GRM8: variants seen among roughly 807,000 people sequenced by gnomAD.
The protein encoded by GRM8 is metabotropic glutamate receptor 8.
GRM8 carries 47 observed loss-of-function variants against 87.2 expected under a neutral mutation model. The observed-to-expected ratio is 0.54, with a 90% CI of 0.43 to 0.69. The LOEUF is 0.69. GRM8 is among the 30% of genes least tolerant of loss of function. The probability of loss-of-function intolerance (pLI) is 0.00; values close to 1 mark genes in which losing one functional copy is unlikely to be tolerated. For synonymous variants in GRM8, 396 were observed against 404.5 expected, an observed-to-expected ratio of 0.98 and a Z score of 0.25; for missense variants, 1,019 against 1,139.2, an observed-to-expected ratio of 0.89 and a Z score of 1.52.
At chr7:127,039,413 C>T (rs1177006751) in intron 3 of GRM8, among the ~76,000 whole-genome samples, 1 of 151,992 alleles carries the variant, frequency 6.6e-6, no homozygotes, top group Non-Finnish European at 1.5e-5. Context: ...CCTGCCAACG[C>T]CTTGATCTCA....
At chr7:126,553,079 A>G (rs1236136453) in intron 8 of GRM8, among the ~76,000 whole-genome samples, 1 of 151,872 alleles carries the variant, frequency 6.6e-6, no homozygotes, top group African/African-American at 2.4e-5. Context: ...ACCACCACCA[A>G]TCCCTCCTCC....
At chr7:126,754,402 T>A (rs1816774535) in intron 7 of GRM8, among the ~76,000 whole-genome samples, 1 of 151,856 alleles carries the variant, frequency 6.6e-6, no homozygotes, top group Admixed American at 6.6e-5. Context: ...TTGATTCTTG[T>A]TCAATTCTTA....
chr7:126,969,685 T>C (rs1261513177), intron 3 of GRM8, among the ~76,000 whole-genome samples: 1 of 152,198 alleles, frequency 6.6e-6, no homozygotes, highest in African/African-American at 2.4e-5. Flanking sequence ...TTCCTGTTAA[T>C]GTTGCTATTT....
At chr7:126,851,858 T>G (rs1797243336) in intron 6 of GRM8, among the ~76,000 whole-genome samples, 1 of 152,162 alleles carries the variant, frequency 6.6e-6, no homozygotes, top group Non-Finnish European at 1.5e-5. Context: ...GCTAATATAC[T>G]ATATATTTAC....
chr7:126,719,563 G>A (rs1359663636), intron 7 of GRM8, among the ~76,000 whole-genome samples: 1 of 152,164 alleles, frequency 6.6e-6, no homozygotes, highest in Non-Finnish European at 1.5e-5. Context: ...AAGTCTGTGA[G>A]AGTCAACATG....
At chr7:127,175,961 C>T (rs1794081680) in intron 2 of GRM8, among the ~76,000 whole-genome samples, 1 of 152,026 alleles carries the variant, frequency 6.6e-6, no homozygotes, top group South Asian at 2.1e-4. Context: ...TAACTGTTTA[C>T]TTAAAATAAT....
intron 7 of GRM8, among the ~76,000 whole-genome samples, chr7:126,646,806 C>A (rs1273683799): frequency 6.6e-6 from 1 of 152,142 alleles, no homozygotes; most frequent in Non-Finnish European, 1.5e-5. Context: ...AGCAAAGATT[C>A]TACAGTTGTC....
intron 2 of GRM8, among the ~76,000 whole-genome samples, chr7:127,172,470 C>T (rs1013638435): frequency 3.3e-5 from 5 of 151,864 alleles, no homozygotes; most frequent in South Asian, 4.2e-4. Flanking sequence ...TTTGGGAGGC[C>T]GAGGCAGGTG....
chr7:126,801,156 C>G (rs1295360062), intron 6 of GRM8, among the ~76,000 whole-genome samples: 1 of 152,102 alleles, frequency 6.6e-6, no homozygotes, highest in African/African-American at 2.4e-5. Flanking sequence ...GCTATAACAC[C>G]TATTTTTCAC....
At chr7:127,095,837 C>G (rs914706110) in intron 3 of GRM8, 4 of 152,190 alleles carry the variant, frequency 2.6e-5, no homozygotes, top group Admixed American at 6.5e-5. Flanking sequence ...GCATCTCCAC[C>G]TCCTCTGAAA....
intron 6 of GRM8, among the ~76,000 whole-genome samples, chr7:126,776,950 C>A (rs1819544333): frequency 6.6e-6 from 1 of 152,252 alleles, no homozygotes; most frequent in South Asian, 2.1e-4. Flanking sequence ...TGTGACAGAA[C>A]AAATACCACT....
chr7:126,693,140 T>C (rs1406143066), intron 7 of GRM8, among the ~76,000 whole-genome samples: 1 of 152,136 alleles, frequency 6.6e-6, no homozygotes, highest in African/African-American at 2.4e-5. Flanking sequence ...TTCACTGGAA[T>C]AACAAATGGC....
chr7:126,983,306 G>GATAATAGA (rs1222563213), intron 3 of GRM8, among the ~76,000 whole-genome samples: 2 of 152,014 alleles, frequency 1.3e-5, no homozygotes, highest in Non-Finnish European at 2.9e-5. Context: ...GGATTGAAAG[G>GATAATAGA]ATAATAGAAT....
At chr7:126,943,490 A>G (rs1427099582) in intron 3 of GRM8, among the ~76,000 whole-genome samples, 3 of 152,244 alleles carry the variant, frequency 2.0e-5, no homozygotes, top group Non-Finnish European at 1.5e-5. Context: ...TCTTAAGGGT[A>G]AGATCAAAGG....
At chr7:126,645,380 C>T (rs987680120) in intron 7 of GRM8, among the ~76,000 whole-genome samples, 2 of 152,210 alleles carry the variant, frequency 1.3e-5, no homozygotes, top group Admixed American at 6.5e-5. Context: ...ACTCAACTGG[C>T]CCCATGGCCC....
intron 6 of GRM8, among the ~76,000 whole-genome samples, chr7:126,826,663 G>A (rs1586095184): frequency 6.6e-6 from 1 of 151,962 alleles, no homozygotes. Context: ...CCATTTTGTA[G>A]GTTGCCTGTT....
At chr7:126,924,789 A>G (rs1804914152) in intron 3 of GRM8, among the ~76,000 whole-genome samples, 1 of 152,164 alleles carries the variant, frequency 6.6e-6, no homozygotes, top group Admixed American at 6.6e-5. Context: ...CTTATAATGT[A>G]TATAAGAAGT....
intron 6 of GRM8, among the ~76,000 whole-genome samples, chr7:126,878,732 G>A (rs954305809): frequency 2.6e-5 from 4 of 151,808 alleles, no homozygotes; most frequent in African/African-American, 9.7e-5. Flanking sequence ...TCACCATGTT[G>A]GTCAGGCTGT....
chr7:126,460,851 G>A (rs1803816196), intron 9 of GRM8, among the ~76,000 whole-genome samples: 1 of 151,504 alleles, frequency 6.6e-6, no homozygotes, highest in Non-Finnish European at 1.5e-5. Flanking sequence ...TGGTAGCCCT[G>A]CAACTGACAT....
Sources: allele counts gnomAD v4.1 joint callset (sites outside exome capture counted in the v4.1 genomes callset), GRCh38; gene constraint gnomAD v4.1.1; transcripts MANE v1.5; gene names NCBI Gene and HGNC (gene_info 2026-07-23, HGNC 2026-07-21).